Variants in JPH2 observed in about 807,000 individuals in gnomAD.
The protein encoded by JPH2 is junctophilin 2, also known as junctophilin-2.
Under a neutral mutation model 55.9 loss-of-function variants are expected in JPH2, and 38 were observed. The ratio of observed to expected loss-of-function variants is 0.68; its 90% CI spans 0.52 to 0.89. The LOEUF (loss-of-function observed/expected upper bound fraction) is 0.89. JPH2 is among the 40% of genes least tolerant of loss of function. JPH2 has a pLI of 0.00. For synonymous variants in JPH2, 480 were observed against 472.4 expected (o/e 1.02, Z -0.21); for missense variants, 964 against 1,037.6 (o/e 0.93, Z 0.97).
rs1276382992 is a variant in JPH2, at chr20:44,120,099, C to A, written c.1170-1476G>T. On this transcript the variant is annotated intron_variant, in intron 2 of 5. Transcript: ENST00000372980. ...TCCCTACGCCATCCTGCCTCTCATT[C>A]TTCTCTCTCCTGAAAGCCTCCCTCA... Among the ~76,000 whole-genome samples, 3 of 152,058 alleles carry A rather than the reference C, an allele frequency of 2.0e-5. No homozygotes were observed. In the South Asian group the frequency reaches 6.2e-4, roughly 32 times the overall value.
intron 1 of JPH2, among the ~76,000 whole-genome samples, chr20:44,170,857 T>C (rs1351044907): frequency 6.6e-6 from 1 of 152,184 alleles, no homozygotes; most frequent in Non-Finnish European, 1.5e-5. Flanking sequence ...GATGTTACAA[T>C]TGGAAAAACT....
rs57397839 is a variant in JPH2, at chr20:44,173,778, G to A, written c.379+12549C>T. Among the ~76,000 whole-genome samples the A allele has an allele frequency of 9.9e-3, 1,504 of 152,246 alleles. 25 individuals are homozygous for A. The highest frequency in any genetic ancestry group is 0.034 in the African/African-American group (1,428 of 41,518). The stretch of plus-strand genomic sequence containing the variant: ...AAAACACAAAAATTAGCCTGGCGTG[G>A]TGGCGCATGCCTGTAATCCCAGCTA... On this transcript the variant is annotated intron_variant, in intron 1 of 5. Transcript: ENST00000372980.
chr20:44,122,924 G>A (rs1485483360), intron 2 of JPH2, among the ~76,000 whole-genome samples: 1 of 151,856 alleles, frequency 6.6e-6, no homozygotes, highest in African/African-American at 2.4e-5. Context: ...AAAGGGCTGG[G>A]CAAGCCTTCA....
intron 2 of JPH2, among the ~76,000 whole-genome samples, chr20:44,132,425 G>C (rs567139542): frequency 7.2e-6 from 1 of 139,190 alleles, no homozygotes; most frequent in South Asian, 2.3e-4. Flanking sequence ...ATTTTCCTTT[G>C]GCCCCATCTC....
chr20:44,129,914 G>A (rs927806951), intron 2 of JPH2, among the ~76,000 whole-genome samples: 1 of 152,062 alleles, frequency 6.6e-6, no homozygotes, highest in Admixed American at 6.5e-5. Context: ...GAATGCAGAG[G>A]GCCAGCAGGG....
At chr20:44,126,260 T>C (rs80043362) in intron 2 of JPH2, among the ~76,000 whole-genome samples, 14,190 of 151,036 alleles carry the variant, frequency 0.094, 779 homozygotes, top group African/African-American at 0.13. Flanking sequence ...AAATCCTGAA[T>C]GTCCTAAATG....
chr20:44,177,998 T>C (rs1350671733), intron 1 of JPH2: 5 of 940,056 alleles, frequency 5.3e-6, no homozygotes, highest in Non-Finnish European at 8.9e-6. Flanking sequence ...AAACAGAAGC[T>C]CAGGGAGGTT....
At position 44,109,715 on chromosome 20, in the gene JPH2, C is replaced by T. The variant is rs1315334781; in HGVS notation, c.*3803G>A. Among the ~76,000 whole-genome samples, 1 of 152,180 alleles carries T rather than the reference C, an allele frequency of 6.6e-6. No individual in the cohort carries two copies. The highest frequency in any genetic ancestry group is 1.5e-5 in the Non-Finnish European group (1 of 68,026). ...TAGGTATTATTTGTATTCTGAGTCA[C>T]TTATTTGGGGGAGAGCATCTTCATA... is the stretch of plus-strand genomic sequence containing the variant. On this transcript the variant is annotated 3_prime_UTR_variant, in exon 6 of 6. Coordinates refer to ENST00000372980, the MANE Select transcript of JPH2 (RefSeq NM_020433.5).
At chr20:44,127,780 G>A (rs952123558) in intron 2 of JPH2, among the ~76,000 whole-genome samples, 2 of 152,132 alleles carry the variant, frequency 1.3e-5, no homozygotes, top group Admixed American at 6.5e-5. Flanking sequence ...GAGCCACCGC[G>A]CCCGGCCCAT....
rs1317154256 is a variant in JPH2 at position 44,134,636 on chromosome 20, A to AAT, written c.1170-16015_1170-16014dup. 2.1e-3 allele frequency among the ~76,000 whole-genome samples: 97 copies of AAT among 46,700 alleles called. 9 individuals are homozygous for AAT. The highest frequency in any genetic ancestry group is 9.5e-3 in the African/African-American group (89 of 9,392). The allele number at this position is 46,700 out of a possible 152,430, so 30.6% of individuals were successfully genotyped here. On this transcript the variant is annotated intron_variant, in intron 2 of 5. Transcript: ENST00000372980. ...ATATAATAAATATATATTTATTATA[A>AAT]ATATATAAATATTTATTATAAATAT...
intron 2 of JPH2, among the ~76,000 whole-genome samples, chr20:44,133,913 C>T (rs5014517): frequency 0.14 from 2,269 of 16,396 alleles, 229 homozygotes; most frequent in East Asian, 0.23. Flanking sequence ...AATAAATATA[C>T]ATTATAATAT....
rs111297057 is a variant in JPH2 at position 44,142,434 on chromosome 20, C to G, written c.1169+17184G>C. Reference sequence around the variant, plus strand: ...CTTTTCTCGCACTGCTGTCCTCCCCCTCACTCCACTTCAGCCCCACTGGGC... The same window carrying G: ...CTTTTCTCGCACTGCTGTCCTCCCCGTCACTCCACTTCAGCCCCACTGGGC... On this transcript the variant is annotated intron_variant, in intron 2 of 5. Transcript: ENST00000372980. 6.3e-3 allele frequency among the ~76,000 whole-genome samples: 963 copies of G among 152,286 alleles called. 12 individuals are homozygous for G. Among genetic ancestry groups the G allele is most frequent in the Middle Eastern group, 0.041 (12 of 294 alleles).
chr20:44,145,168 T>A (rs1335293361), intron 2 of JPH2, among the ~76,000 whole-genome samples: 1 of 151,904 alleles, frequency 6.6e-6, no homozygotes, highest in Non-Finnish European at 1.5e-5. Flanking sequence ...TCCGAATCCC[T>A]GGGGCTCAGC....
intron 1 of JPH2, among the ~76,000 whole-genome samples, chr20:44,170,362 A>G (rs919978094): frequency 3.9e-5 from 6 of 152,338 alleles, no homozygotes; most frequent in African/African-American, 1.4e-4. Flanking sequence ...TCTACCAGCC[A>G]TCGCTGATCC....
At chr20:44,173,885 C>G (rs962169644) in intron 1 of JPH2, among the ~76,000 whole-genome samples, 1 of 152,198 alleles carries the variant, frequency 6.6e-6, no homozygotes, top group Non-Finnish European at 1.5e-5. Context: ...TGCACTCCAG[C>G]CTGGGCGACT....
At chr20:44,117,665 C>T (rs1348983933) in intron 3 of JPH2, among the ~76,000 whole-genome samples, 3 of 152,174 alleles carry the variant, frequency 2.0e-5, no homozygotes, top group African/African-American at 7.2e-5. Context: ...ATTTGAGACC[C>T]ACTGACTTGA....
chr20:44,121,386 T>C (rs1248780175), intron 2 of JPH2, among the ~76,000 whole-genome samples: 1 of 152,120 alleles, frequency 6.6e-6, no homozygotes, highest in Admixed American at 6.5e-5. Flanking sequence ...AGCAGAGAAC[T>C]GGGCGCACGG....
At chr20:44,124,523 C>T (rs2072262323) in intron 2 of JPH2, among the ~76,000 whole-genome samples, 1 of 152,108 alleles carries the variant, frequency 6.6e-6, no homozygotes, top group African/African-American at 2.4e-5. Flanking sequence ...ATCCAAAAAT[C>T]CCTTGTATGG....
rs1289939559 is a variant in JPH2, at chr20:44,134,160, TATAA to T, written c.1170-15541_1170-15538del. ...TATAAATAAATATTTATTATAAATA[TATAA>T]ATATTTATTATAAATATATAAATAT... is the stretch of plus-strand genomic sequence containing the variant. On this transcript the variant is annotated intron_variant, in intron 2 of 5. Transcript: ENST00000372980. Among the ~76,000 whole-genome samples, 45 of 14,758 alleles carry T rather than the reference TATAA, an allele frequency of 3.0e-3. 19 individuals are homozygous for T. The highest frequency in any genetic ancestry group is 5.1e-3 in the Non-Finnish European group (39 of 7,592). 9.7% of individuals were successfully genotyped at this position (14,758 alleles called of 152,430 possible).
Sources: allele counts gnomAD v4.1 joint callset (sites outside exome capture counted in the v4.1 genomes callset), GRCh38; gene constraint gnomAD v4.1.1; transcripts MANE v1.5; gene names NCBI Gene and HGNC (gene_info 2026-07-23, HGNC 2026-07-21).